OSGEP: variants seen among roughly 807,000 people sequenced by gnomAD.
OSGEP encodes the protein O-sialoglycoprotein endopeptidase.
OSGEP carries 39 observed loss-of-function variants against 44.1 expected under a neutral mutation model. The ratio of observed to expected loss-of-function variants is 0.88; its 90% CI spans 0.69 to 1.16. OSGEP has a LOEUF of 1.16. Among genes scored for constraint, OSGEP ranks in the 50% most tolerant of loss-of-function variants. The probability of loss-of-function intolerance (pLI) is 0.00; values close to 1 mark genes in which losing one functional copy is unlikely to be tolerated. For missense variants in OSGEP, 403 were observed against 443.1 expected (o/e 0.91, Z 0.81); for synonymous variants, 139 against 161.9 (o/e 0.86, Z 1.07).
chr14:20,452,943 C>T (rs1330174769), intron 1 of OSGEP, among the ~76,000 whole-genome samples: 2 of 152,056 alleles, frequency 1.3e-5, no homozygotes, highest in African/African-American at 2.4e-5. Context: ...CTCCTGACCT[C>T]GTGATCCGTC....
At chr14:20,452,567 G>T in intron 1 of OSGEP, 119 bp from the exon 2 acceptor site, 1 of 889,406 alleles carries the variant, frequency 1.1e-6, no homozygotes. Context: ...CTTTCCCCAA[G>T]CATCCTATCT....
Position 20,451,977 on chromosome 14 carries a change from C to G in OSGEP, c.408G>C (p.Thr136=), listed in dbSNP as rs755729494. ...PTVLYVSGGN[T]QVIAYSEHRY... ...GTGGGTAGAGCCCTCTAAATACCTG[C>G]GTATTTCCTCCACTCACATACAACA... Residue 136 remains threonine, a synonymous_variant, in exon 3 of 11, where the codon ACG becomes ACC. Transcript: ENST00000206542. The G allele has an allele frequency of 1.9e-6, 3 of 1,596,064 alleles. No individual in the cohort carries two copies. The highest frequency in any genetic ancestry group is 1.1e-5 in the South Asian group (1 of 88,610).
At chr14:20,452,490 TAGCAAAGGTAGGTAGGAAGTTAAAGAA>T in intron 1 of OSGEP, 42 bp from the exon 2 acceptor site, 1 of 1,604,688 alleles carries the variant, frequency 6.2e-7, no homozygotes, top group African/African-American at 1.3e-5. Flanking sequence ...GGATTTTCTG[TAGCAAAGGTAGGTAGGAAGTTAAAGAA>T]AGCAACAGGA....
intron 6 of OSGEP, 80 bp from the exon 7 acceptor site, chr14:20,448,251 A>T: frequency 9.0e-7 from 1 of 1,112,056 alleles, no homozygotes; most frequent in East Asian, 2.3e-5. Flanking sequence ...ATGCATTCGG[A>T]GGGTCATCAT....
intron 3 of OSGEP, chr14:20,449,731 C>A: frequency 6.2e-6 from 1 of 162,402 alleles, no homozygotes; most frequent in Non-Finnish European, 1.4e-5. Flanking sequence ...GCCTCCACCT[C>A]CTAGGCTCAA....
Position 20,447,985 on chromosome 14 carries a change from A to T in OSGEP, c.712T>A (p.Phe238Ile). Residue 238 changes from phenylalanine to isoleucine, a missense_variant, in exon 8 of 11, where the codon TTT (phenylalanine) becomes ATT (isoleucine). Phe to Ile is a conservative substitution (Grantham distance 21, BLOSUM62 0). Coordinates refer to ENST00000206542, the MANE Select transcript of OSGEP (RefSeq NM_017807.4). ...TCTGTGATCTCTACCAGCATTGCAA[A>T]CACAGTTTCCTGTCAGGGACAGATA... ...DLCFSLQETV[F>I]AMLVEITERA... The T allele has an allele frequency of 6.2e-7, 1 of 1,613,794 alleles. No homozygotes were observed. Among genetic ancestry groups the T allele is most frequent in the Non-Finnish European group, 8.5e-7 (1 of 1,179,660 alleles).
intron 8 of OSGEP, 28 bp from the exon 9 acceptor site, chr14:20,447,718 C>T (rs770632988): frequency 2.5e-6 from 4 of 1,581,944 alleles, no homozygotes; most frequent in Non-Finnish European, 3.5e-6. Context: ...ACAGGATTAG[C>T]TTAGTTTTAG....
chr14:20,449,507 T>C, intron 3 of OSGEP: 1 of 451,734 alleles, frequency 2.2e-6, no homozygotes, highest in Non-Finnish European at 4.0e-6. Context: ...AGAAATAAAT[T>C]GTCATTTCAA....
rs1424317281 is a variant in OSGEP, at chr14:20,447,520, T to C, written c.870A>G (p.Arg290=). ...TCATCGCTCCATTGTCAATACAGAA[T>C]CTGGGATGCAAGAGAGATGAAAATT... ...RGARLFATDE[R]FCIDNGAMIA... Residue 290 remains arginine (R), a splice_region_variant and synonymous_variant, in exon 10 of 11, where the codon AGA becomes AGG. Transcript: ENST00000206542. 1.2e-6 allele frequency: 2 copies of C among 1,613,866 alleles called. No individual in the cohort carries two copies. The highest frequency in any genetic ancestry group is 1.7e-6 in the Non-Finnish European group (2 of 1,179,810).
intron 3 of OSGEP, chr14:20,449,630 T>C (rs1205262918): frequency 4.0e-6 from 1 of 250,628 alleles, no homozygotes; most frequent in African/African-American, 2.2e-5. Flanking sequence ...TTCTAAATTA[T>C]GACACAGTGG....
chr14:20,453,406 G>A (rs1383312627), intron 1 of OSGEP, among the ~76,000 whole-genome samples: 1 of 149,548 alleles, frequency 6.7e-6, no homozygotes, highest in Non-Finnish European at 1.5e-5. Context: ...CACTCTTGAT[G>A]CCCAGGCTGG....
chr14:20,447,474 T>A lies in OSGEP; in HGVS notation c.916A>T (p.Met306Leu). 1 of 1,613,930 alleles carries A rather than the reference T, an allele frequency of 6.2e-7. No homozygotes were observed. Among genetic ancestry groups the A allele is most frequent in the Non-Finnish European group, 8.5e-7 (1 of 1,179,986 alleles). The change falls in exon 10 of 11, where the codon ATG (methionine) becomes TTG (leucine). Residue 306 changes from methionine (M) to leucine (L), a missense_variant. Met to Leu is a conservative substitution (Grantham distance 15, BLOSUM62 2). Transcript: ENST00000206542. ...GAMIAQAGWE[M>L]FRAGHRTPLS... ...GGGGTCCTGTGTCCAGCCCGAAACA[T>A]CTCCCAGCCAGCCTGGGCTATCATC...
chr14:20,454,732 G>C lies in OSGEP; in HGVS notation c.-49C>G, dbSNP rs1457418473. 5.0e-6 allele frequency: 7 copies of C among 1,388,756 alleles called. No individual in the cohort carries two copies. The highest frequency in any genetic ancestry group is 7.1e-6 in the Non-Finnish European group (7 of 979,246). 86.0% of individuals were successfully genotyped at this position (1,388,756 alleles called of 1,614,324 possible). On this transcript the variant is annotated 5_prime_UTR_variant, in exon 1 of 11. Coordinates refer to ENST00000206542, the MANE Select transcript of OSGEP (RefSeq NM_017807.4). The stretch of plus-strand genomic sequence containing the variant: ...GACAGGACTCCTGGCAATGTCAGGA[G>C]CTGTGGAGGTCCTCACTAGTCCGCG...
At chr14:20,454,302 T>C (rs539035134) in intron 1 of OSGEP, among the ~76,000 whole-genome samples, 73 of 152,258 alleles carry the variant, frequency 4.8e-4, no homozygotes, top group Non-Finnish European at 9.1e-4. Flanking sequence ...TAAACATCTA[T>C]TTATATGTCT....
At chr14:20,452,865 A>G (rs1412383420) in intron 1 of OSGEP, among the ~76,000 whole-genome samples, 2 of 151,716 alleles carry the variant, frequency 1.3e-5, no homozygotes. Flanking sequence ...CGACACCACC[A>G]CGCTCAGCTA....
chr14:20,451,950 G>A (rs779172845), intron 3 of OSGEP, 24 bp downstream of exon 3: 20 of 1,524,148 alleles, frequency 1.3e-5, no homozygotes, highest in Non-Finnish European at 1.7e-5. Flanking sequence ...AATTGAGATG[G>A]AGTGGGTAGA....
chr14:20,449,303 T>G (rs1239059734), intron 3 of OSGEP, 37 bp from the exon 4 acceptor site: 1 of 1,236,072 alleles, frequency 8.1e-7, no homozygotes, highest in Non-Finnish European at 1.2e-6. Flanking sequence ...ACCCCAAGTC[T>G]GTAAAGAGGA....
chr14:20,449,179 C>T lies in OSGEP; in HGVS notation c.499G>A (p.Val167Met). The T allele has an allele frequency of 1.2e-6, 2 of 1,610,532 alleles. No individual in the cohort carries two copies. The highest frequency in any genetic ancestry group is 8.5e-7 in the Non-Finnish European group (1 of 1,176,644). The change falls in exon 4 of 11, where the codon GTG (valine) becomes ATG (methionine). Residue 167 changes from valine (V) to methionine (M), a missense_variant. Transcript: ENST00000206542. ...CAGCCCCACTGGCTTACCTTCAGCA[C>T]TCGAGCAAAACGATCCAGACAATTA... ...VGNCLDRFAR[V>M]LKISNDPSPG...
intron 10 of OSGEP, 45 bp from the exon 11 acceptor site, chr14:20,447,324 ATCCT>A (rs1880972211): frequency 6.2e-7 from 1 of 1,611,604 alleles, no homozygotes. Context: ...AGCCCTTAAC[ATCCT>A]TCATTCTTCT....
Sources: gnomAD v4.1 joint callset for allele counts (sites outside exome capture counted in the v4.1 genomes callset) on GRCh38, gnomAD v4.1.1 for gene constraint, MANE v1.5 for transcripts, NCBI Gene and HGNC (gene_info 2026-07-23, HGNC 2026-07-21) for gene names.